The following TRDN variants were observed in gnomAD, a reference collection of about 807,000 sequenced individuals.
TRDN encodes triadin in skeletal muscle.
A neutral mutation model predicts 149.7 loss-of-function variants in TRDN; 161 were observed. The ratio of observed to expected loss-of-function variants is 1.08; its 90% CI spans 0.95 to 1.23. The LOEUF is 1.23. Among genes scored for constraint, TRDN ranks in the 50% most tolerant of loss-of-function variants. The probability of loss-of-function intolerance (pLI) is 0.00; values close to 1 mark genes in which losing one functional copy is unlikely to be tolerated. For missense variants in TRDN, 896 were observed against 823.5 expected (o/e 1.09, Z -1.08); for synonymous variants, 294 against 250.5 (o/e 1.17, Z -1.64).
intron 10 of TRDN, chr6:123,439,567 G>C (rs1205023979): frequency 6.6e-6 from 1 of 152,236 alleles, no homozygotes. Flanking sequence ...TTTCTGAGTG[G>C]TTGTATCAAC....
chr6:123,352,690 C>T, intron 20 of TRDN, 104 bp from the exon 21 acceptor site: 3 of 1,418,666 alleles, frequency 2.1e-6, no homozygotes, highest in East Asian at 2.5e-5. Flanking sequence ...CTTTCTTTTA[C>T]ACAAGTTATT....
At chr6:123,477,720 C>G (rs1777558102) in intron 9 of TRDN, among the ~76,000 whole-genome samples, 1 of 152,052 alleles carries the variant, frequency 6.6e-6, no homozygotes, top group African/African-American at 2.4e-5. Context: ...CCATGGAATA[C>G]TATGCACCAT....
chr6:123,315,045 T>C (rs1778974469), intron 24 of TRDN, among the ~76,000 whole-genome samples: 1 of 151,950 alleles, frequency 6.6e-6, no homozygotes, highest in Admixed American at 6.6e-5. Context: ...AAATACTTAA[T>C]GTAAACTAAT....
intron 23 of TRDN, among the ~76,000 whole-genome samples, chr6:123,320,252 C>T (rs1214193583): frequency 2.0e-5 from 3 of 151,328 alleles, no homozygotes; most frequent in African/African-American, 4.8e-5. Context: ...TTTGTATTTG[C>T]CACATGGTAG....
intron 4 of TRDN, among the ~76,000 whole-genome samples, chr6:123,532,219 C>A (rs1321831428): frequency 6.6e-6 from 1 of 151,726 alleles, no homozygotes; most frequent in Non-Finnish European, 1.5e-5. Flanking sequence ...AAGTAAAATA[C>A]CTCATTAATA....
intron 9 of TRDN, among the ~76,000 whole-genome samples, chr6:123,494,400 G>A (rs1187642868): frequency 6.6e-6 from 1 of 152,072 alleles, no homozygotes; most frequent in African/African-American, 2.4e-5. Context: ...TAAACTACTA[G>A]CATCCCTCGC....
intron 8 of TRDN, chr6:123,498,687 T>A (rs1279987650): frequency 6.6e-6 from 3 of 457,712 alleles, no homozygotes; most frequent in Non-Finnish European, 1.4e-5. Context: ...GAAGGTATTT[T>A]CTCTTTTCTA....
chr6:123,475,951 C>T (rs1247659714), intron 9 of TRDN, among the ~76,000 whole-genome samples: 2 of 143,574 alleles, frequency 1.4e-5, no homozygotes, highest in Non-Finnish European at 3.1e-5. Context: ...CAGCCAATAT[C>T]ATACTGAATG....
intron 12 of TRDN, among the ~76,000 whole-genome samples, chr6:123,421,253 T>C (rs1773886625): frequency 6.6e-6 from 1 of 152,204 alleles, no homozygotes; most frequent in Non-Finnish European, 1.5e-5. Flanking sequence ...ACCAGCATTG[T>C]TGTAATTGAC....
In TRDN at chr6:123,281,659, G is replaced by A. The variant is rs76614865; in HGVS notation, c.1511-2577C>T. On this transcript the variant is annotated intron_variant, in intron 24 of 40. Coordinates refer to ENST00000334268, the MANE Select transcript of TRDN (RefSeq NM_006073.4). ...TGTGTGAAAATATGTGTGTTCAGTT[G>A]TGCTCTTAAAGCCCAACTAGATTAA... Among the ~76,000 whole-genome samples, 487 of 152,124 alleles carry A rather than the reference G, an allele frequency of 3.2e-3. 18 individuals carry two copies. The East Asian group carries it at 0.08, about 25-fold the overall frequency.
intron 24 of TRDN, among the ~76,000 whole-genome samples, chr6:123,311,146 G>T (rs1414670405): frequency 6.6e-6 from 1 of 151,932 alleles, no homozygotes; most frequent in African/African-American, 2.4e-5. Flanking sequence ...TGGCTGGGGA[G>T]ACCTCAGGAA....
Position 123,297,988 on chromosome 6 carries a change from C to T in TRDN, c.1510+18469G>A, listed in dbSNP as rs559195092. 2.0e-4 allele frequency among the ~76,000 whole-genome samples: 30 copies of T among 152,084 alleles called. No individual in the cohort carries two copies. In the South Asian group the frequency reaches 3.1e-3, roughly 16 times the overall value. ...TTAGAAGTCTTCTAAGATTCCTCTC[C>T]ATACTCACAAGTGTGAATAACTTCA... On this transcript the variant is annotated intron_variant, in intron 24 of 40. Coordinates refer to ENST00000334268, the MANE Select transcript of TRDN (RefSeq NM_006073.4).
intron 9 of TRDN, among the ~76,000 whole-genome samples, chr6:123,465,365 T>C (rs780163781): frequency 2.6e-5 from 4 of 152,020 alleles, no homozygotes; most frequent in Non-Finnish European, 5.9e-5. Flanking sequence ...AATTAATCAC[T>C]ATTTTTTCCA....
chr6:123,393,643 A>G lies in TRDN; in HGVS notation c.1086T>C (p.Thr362=). The G allele has an allele frequency of 1.2e-6, 2 of 1,606,644 alleles. No homozygotes were observed. The highest frequency in any genetic ancestry group is 1.7e-6 in the Non-Finnish European group (2 of 1,175,848). The change falls in exon 13 of 41, where the codon ACT becomes ACC. Residue 362 remains threonine (T), a synonymous_variant. Coordinates refer to ENST00000334268, the MANE Select transcript of TRDN (RefSeq NM_006073.4). ...GCTTACCTTGTGCTGCAATTTTTAC[A>G]GTCCCTTGTTTGGTTTCAGAAGCTT... ...PGKASETKQG[T]VKIAAQAAAK...
intron 38 of TRDN, among the ~76,000 whole-genome samples, chr6:123,230,607 T>C (rs1775563753): frequency 6.6e-6 from 1 of 151,794 alleles, no homozygotes. Context: ...TTGGAATATA[T>C]TCAACACCCT....
At chr6:123,603,849 G>T (rs923874713) in intron 1 of TRDN, among the ~76,000 whole-genome samples, 2 of 152,000 alleles carry the variant, frequency 1.3e-5, no homozygotes, top group African/African-American at 4.8e-5. Context: ...ATATCATTGG[G>T]CATAAACTGA....
intron 1 of TRDN, among the ~76,000 whole-genome samples, chr6:123,589,047 A>G (rs1783654691): frequency 6.6e-6 from 1 of 152,178 alleles, no homozygotes; most frequent in East Asian, 1.9e-4. Flanking sequence ...ACGAAAATAA[A>G]TTTGACAGGT....
At chr6:123,631,151 T>G (rs1487942675) in intron 1 of TRDN, among the ~76,000 whole-genome samples, 1 of 151,708 alleles carries the variant, frequency 6.6e-6, no homozygotes, top group Admixed American at 6.6e-5. Flanking sequence ...AAAGTGAACT[T>G]GAGCAGTAAA....
intron 24 of TRDN, among the ~76,000 whole-genome samples, chr6:123,290,622 A>G (rs1232872423): frequency 3.3e-5 from 5 of 152,144 alleles, no homozygotes; most frequent in Non-Finnish European, 5.9e-5. Context: ...TAAATAATGA[A>G]CTTATTGTGT....
Sources: gnomAD v4.1 joint callset for allele counts (sites outside exome capture counted in the v4.1 genomes callset) on GRCh38, gnomAD v4.1.1 for gene constraint, MANE v1.5 for transcripts, NCBI Gene and HGNC (gene_info 2026-07-23, HGNC 2026-07-21) for gene names.